FAM186B: variants seen among roughly 807,000 people sequenced by gnomAD.
FAM186B encodes the protein protein FAM186B.
In FAM186B, 68 loss-of-function variants were observed where a neutral mutation model predicts 83.4. That is an observed-to-expected ratio of 0.81 (90% CI 0.67 to 1.00). The LOEUF is 1.00. FAM186B is among the 50% of genes least tolerant of loss of function. The pLI is 0.00. For synonymous variants in FAM186B, 389 were observed against 422.0 expected, an observed-to-expected ratio of 0.92 and a Z score of 0.96; for missense variants, 983 against 1,099.2, an observed-to-expected ratio of 0.89 and a Z score of 1.49.
At chr12:49,588,015 T>C (rs1380125247) in intron 6 of FAM186B, among the ~76,000 whole-genome samples, 1 of 152,198 alleles carries the variant, frequency 6.6e-6, no homozygotes, top group Non-Finnish European at 1.5e-5. Flanking sequence ...AGCCCTGATC[T>C]AGGCCATGCA....
At chr12:49,615,750 C>T in the FAM186B span, among the ~76,000 whole-genome samples, 4 of 151,732 alleles carry the variant, frequency 2.6e-5, no homozygotes, top group African/African-American at 7.3e-5. Flanking sequence ...GATCGTGCCA[C>T]TGCACTCCAG....
At chr12:49,583,688 C>T (rs1295183239), downstream of FAM186B, 2 of 152,784 alleles carry the variant, frequency 1.3e-5, no homozygotes, top group Non-Finnish European at 2.9e-5. Context: ...AGGCTGGAAG[C>T]AAGGATGGGC....
chr12:49,596,314 C>A (rs1200900151), intron 5 of FAM186B, among the ~76,000 whole-genome samples: 3 of 144,280 alleles, frequency 2.1e-5, no homozygotes, highest in African/African-American at 5.4e-5. Flanking sequence ...TATAGTGAGA[C>A]CCCCGTCTCA....
At position 49,604,307 on chromosome 12, in the gene FAM186B, ACT is replaced by A. The variant is rs773926590; in HGVS notation, c.322+4_322+5del. 1.2e-6 allele frequency: 2 copies of A among 1,611,386 alleles called. No individual in the cohort carries two copies. The highest frequency in any genetic ancestry group is 2.2e-5 in the East Asian group (1 of 44,830). Reference sequence around the variant, plus strand: ...AGGAGGCACGGTGCCCAGCCTGCAAACTCACCCCAGTCACCCAGCCAGCGGAG... The same window carrying A: ...AGGAGGCACGGTGCCCAGCCTGCAAACACCCCAGTCACCCAGCCAGCGGAG... On this transcript the variant is annotated splice_donor_5th_base_variant and intron_variant, in intron 2 of 6. Coordinates refer to ENST00000257894, the MANE Select transcript of FAM186B (RefSeq NM_032130.3).
chr12:49,588,696 CTGTT>C (rs1939508553), intron 5 of FAM186B, 73 bp from the exon 6 acceptor site: 2 of 1,471,196 alleles, frequency 1.4e-6, no homozygotes, highest in African/African-American at 1.4e-5. Flanking sequence ...GAGGCTTTGT[CTGTT>C]TGTTGGTGCC....
chr12:49,583,920 CAG>C, downstream of FAM186B: 1 of 154,342 alleles, frequency 6.5e-6, no homozygotes, highest in Non-Finnish European at 1.4e-5. Flanking sequence ...ACTGAACTGA[CAG>C]ACGCTTGCCA....
upstream of FAM186B, among the ~76,000 whole-genome samples, chr12:49,609,579 A>G (rs1940063690): frequency 2.0e-5 from 3 of 151,376 alleles, no homozygotes; most frequent in Non-Finnish European, 4.4e-5. Flanking sequence ...CTGCCACCCC[A>G]CCCTCCCTGT....
At position 49,604,457 on chromosome 12, in the gene FAM186B, A is replaced by T. The variant is rs1487057325; in HGVS notation, c.178T>A (p.Leu60Ile). The T allele has an allele frequency of 6.2e-7, 1 of 1,614,200 alleles. No homozygotes were observed. Among genetic ancestry groups the T allele is most frequent in the Non-Finnish European group, 8.5e-7 (1 of 1,180,032 alleles). ...NRFQEELGYD[L>I]KENAKSQQRD... The stretch of plus-strand genomic sequence containing the variant: ...TGCTGAGATTTGGCATTTTCTTTTA[A>T]ATCATATCCTAATTCTTCCTGGAAG... Residue 60 changes from leucine (L) to isoleucine (I), a missense_variant, in exon 2 of 7, where the codon TTA (leucine) becomes ATA (isoleucine). Physicochemically the swap from Leu to Ile is conservative, Grantham distance 5. Coordinates refer to ENST00000257894, the MANE Select transcript of FAM186B (RefSeq NM_032130.3).
upstream of FAM186B, among the ~76,000 whole-genome samples, chr12:49,606,449 C>T (rs1044201220): frequency 6.6e-6 from 1 of 151,528 alleles, no homozygotes; most frequent in South Asian, 2.1e-4. Context: ...GAGCCATGTT[C>T]ACGCCACTAC....
intron 5 of FAM186B, among the ~76,000 whole-genome samples, chr12:49,594,910 T>G (rs1014243124): frequency 4.6e-5 from 7 of 150,878 alleles, no homozygotes; most frequent in Non-Finnish European, 8.8e-5. Context: ...GACTGAAAGA[T>G]AATATCCACG....
chr12:49,622,216 GC>G, the FAM186B span, among the ~76,000 whole-genome samples: 1 of 96,666 alleles, frequency 1.0e-5, no homozygotes, highest in Non-Finnish European at 2.2e-5. Flanking sequence ...CCCCCCGCCC[GC>G]CCCCTCCATT....
At chr12:49,587,780 A>G (rs1939482505) in intron 6 of FAM186B, 28 bp from the exon 7 acceptor site, 1 of 1,598,750 alleles carries the variant, frequency 6.3e-7, no homozygotes, top group Non-Finnish European at 8.5e-7. Flanking sequence ...GGAGAATGTG[A>G]AAAGCAACAG....
At chr12:49,617,287 G>T in the FAM186B span, among the ~76,000 whole-genome samples, 1 of 152,364 alleles carries the variant, frequency 6.6e-6, no homozygotes, top group South Asian at 2.1e-4. Flanking sequence ...GCTCACGCCT[G>T]TAATCCCAGC....
At chr12:49,591,569 A>C (rs1939581670) in intron 5 of FAM186B, among the ~76,000 whole-genome samples, 1 of 150,564 alleles carries the variant, frequency 6.6e-6, no homozygotes, top group Non-Finnish European at 1.5e-5. Flanking sequence ...CTTCAGGCAG[A>C]AGGAAAATGA....
chr12:49,595,815 C>T (rs566666034), intron 5 of FAM186B: 1 of 175,638 alleles, frequency 5.7e-6, no homozygotes. Context: ...AAACCCGTCT[C>T]CACTAAAAAA....
In FAM186B at chr12:49,601,132, A is replaced by G. The variant is rs1939885291; in HGVS notation, c.508T>C (p.Ser170Pro). 6.4e-7 allele frequency: 1 copy of G among 1,550,544 alleles called. No homozygotes were observed. The highest frequency in any genetic ancestry group is 1.2e-5 in the South Asian group (1 of 81,408). The change falls in exon 4 of 7, where the codon TCC (serine) becomes CCC (proline). Residue 170 changes from serine (S) to proline (P), a missense_variant and splice_region_variant. Coordinates refer to ENST00000257894, the MANE Select transcript of FAM186B (RefSeq NM_032130.3). ...IEGQKKRSQV[S>P]KRTFWQGWQG... is the part of the protein sequence containing the mutation. ...CAGCCCTGCCAGAAGGTGCGTTTGG[A>G]CACTGGGACAGGTAGAGAGAAAAAA...
chr12:49,598,810 C>A lies in FAM186B; in HGVS notation c.2309G>T (p.Gly770Val), dbSNP rs763720308. Residue 770 changes from glycine to valine, a missense_variant, in exon 5 of 7, where the codon GGG (glycine) becomes GTG (valine). Gly to Val is a moderately radical substitution (Grantham distance 109). Coordinates refer to ENST00000257894, the MANE Select transcript of FAM186B (RefSeq NM_032130.3). ...RLQAWTDKQK[G>V]LEEKHRECLS... is the part of the protein sequence containing the mutation. ...GCACTCTCGGTGCTTCTCCTCCAGC[C>A]CCTTCTGCTTGTCCGTCCAGGCCTG... The A allele has an allele frequency of 6.2e-7, 1 of 1,612,888 alleles. No homozygotes were observed.
intron 1 of FAM186B, 190 bp downstream of exon 1, chr12:49,605,192 T>A: frequency 7.1e-7 from 1 of 1,411,812 alleles, no homozygotes; most frequent in East Asian, 2.7e-5. Context: ...GGTGGTTGCT[T>A]TCAGCTCACC....
Position 49,600,409 on chromosome 12 carries a change from C to T in FAM186B, c.1231G>A (p.Glu411Lys), listed in dbSNP as rs1381954849. 3.1e-6 allele frequency: 5 copies of T among 1,613,834 alleles called. No individual in the cohort carries two copies. In the Admixed American group the frequency reaches 5.0e-5, roughly 16 times the overall value. Residue 411 changes from glutamate to lysine, a missense_variant, in exon 4 of 7, where the codon GAG becomes AAG. By Grantham distance (56) the Glu-to-Lys change is moderately conservative. Transcript: ENST00000257894. This position sits in a 1 kb window ranked among gnomAD's most constrained non-coding sequence, Gnocchi z 4.3. ...VADVFGSKDT[E>K]SLEPVLLPLV... ...GGTAAAAGCACAGGCTCAAGGCTCT[C>T]AGTGTCCTTGCTGCCGAACACATCT...
Sources: allele counts gnomAD v4.1 joint callset (sites outside exome capture counted in the v4.1 genomes callset), GRCh38; gene constraint gnomAD v4.1.1; non-coding constraint Gnocchi (gnomAD v3.1); transcripts MANE v1.5; gene names NCBI Gene and HGNC (gene_info 2026-07-23, HGNC 2026-07-21).